MCM6: variants seen among roughly 807,000 people sequenced by gnomAD.
MCM6 encodes the protein minichromosome maintenance complex component 6.
MCM6 carries 46 observed loss-of-function variants against 94.3 expected under a neutral mutation model. The observed-to-expected ratio is 0.49, with a 90% confidence interval of 0.39 to 0.62. The LOEUF is 0.62. Among genes scored for constraint, MCM6 ranks in the 20% least tolerant of loss-of-function variants. The pLI is 0.00. For synonymous variants in MCM6, 335 were observed against 351.9 expected (o/e 0.95, Z 0.54); for missense variants, 865 against 1,017.9 (o/e 0.85, Z 2.04).
At position 135,846,120 on chromosome 2, in the gene MCM6, TAAC is replaced by T. The variant is rs1308225864; in HGVS notation, c.2209+114_2209+116del. 2.9e-5 allele frequency: 29 copies of T among 1,014,518 alleles called. No homozygotes were observed. In the Admixed American group the frequency reaches 4.7e-4, roughly 17 times the overall value. The allele number at this position is 1,014,518 out of a possible 1,614,324, so 62.8% of individuals were successfully genotyped here. A position where few individuals can be genotyped will look rare whatever the true frequency, so the allele number is the denominator to read the frequency against. On this transcript the variant is annotated intron_variant, in intron 15 of 16. Transcript: ENST00000264156. Reference sequence around the variant, plus strand: ...TTTACTTTGCTAAAGTGAGTTTATCTAACAACTTATCCTCTCTTCCGACAGAAC... The same window carrying T: ...TTTACTTTGCTAAAGTGAGTTTATCTAACTTATCCTCTCTTCCGACAGAAC...
chr2:135,867,935 G>A lies in MCM6; in HGVS notation c.615+676C>T, dbSNP rs942876144. Among the ~76,000 whole-genome samples, 162 of 152,208 alleles carry A rather than the reference G, an allele frequency of 1.1e-3. 1 individual carries two copies. Among genetic ancestry groups the A allele is most frequent in the African/African-American group, 3.7e-3 (154 of 41,520 alleles). On this transcript the variant is annotated intron_variant, in intron 4 of 16. Transcript: ENST00000264156. Reference sequence around the variant, plus strand: ...CCAGCTACTCGGGAGGCTGAGGCAGGAGAATGGCGTGAACCCAGGAGGCGG... The same window carrying A: ...CCAGCTACTCGGGAGGCTGAGGCAGAAGAATGGCGTGAACCCAGGAGGCGG...
chr2:135,876,314 C>T lies in MCM6; in HGVS notation c.52G>A (p.Val18Ile), dbSNP rs924925153. ...EPGAGSQHLE[V>I]RDEVAEKCQK... The stretch of plus-strand genomic sequence containing the variant: ...CACTTCTCGGCCACCTCGTCGCGGA[C>T]CTCCAGGTGCTGGCTGCCGGCGCCC... Residue 18 changes from valine (V) to isoleucine (I), a missense_variant, in exon 1 of 17, where the codon GTC becomes ATC. Transcript: ENST00000264156. 1.2e-6 allele frequency: 2 copies of T among 1,611,180 alleles called. No individual in the cohort carries two copies. Among genetic ancestry groups the T allele is most frequent in the Non-Finnish European group, 1.7e-6 (2 of 1,179,470 alleles).
At chr2:135,845,682 T>C (rs1346478950) in intron 15 of MCM6, among the ~76,000 whole-genome samples, 1 of 152,234 alleles carries the variant, frequency 6.6e-6, no homozygotes, top group Non-Finnish European at 1.5e-5. Context: ...AATTCATCAT[T>C]TTTCCTTCTG....
intron 7 of MCM6, among the ~76,000 whole-genome samples, chr2:135,864,731 A>G (rs1172109218): frequency 6.6e-6 from 1 of 152,218 alleles, no homozygotes; most frequent in Non-Finnish European, 1.5e-5. Context: ...CCCTTTCCAG[A>G]ACTTTGTCAT....
chr2:135,868,575 G>A, intron 4 of MCM6, 36 bp downstream of exon 4: 1 of 1,601,856 alleles, frequency 6.2e-7, no homozygotes, highest in Non-Finnish European at 8.6e-7. Context: ...TATTATCATA[G>A]ATGGACTCTG....
At chr2:135,855,088 G>A (rs1045211646) in intron 11 of MCM6, among the ~76,000 whole-genome samples, 4 of 152,058 alleles carry the variant, frequency 2.6e-5, no homozygotes, top group East Asian at 3.9e-4. Context: ...CCTAGGAGGC[G>A]GAGGTTGCAG....
intron 8 of MCM6, among the ~76,000 whole-genome samples, chr2:135,861,440 T>C (rs993594082): frequency 1.3e-5 from 2 of 152,148 alleles, no homozygotes; most frequent in Non-Finnish European, 2.9e-5. Context: ...ACTGAGAACA[T>C]GGCAGGTGCT....
At chr2:135,875,852 C>T (rs544603543) in intron 1 of MCM6, among the ~76,000 whole-genome samples, 1 of 152,348 alleles carries the variant, frequency 6.6e-6, no homozygotes, top group East Asian at 1.9e-4. Flanking sequence ...CGTGGCCCAG[C>T]AGGGCACCGA....
chr2:135,864,895 T>C, intron 7 of MCM6, 118 bp downstream of exon 7: 1 of 701,232 alleles, frequency 1.4e-6, no homozygotes, highest in Non-Finnish European at 2.1e-6. Context: ...AAATGACCTC[T>C]TTCAGACCCA....
At chr2:135,861,807 G>A (rs971320257) in intron 8 of MCM6, among the ~76,000 whole-genome samples, 8 of 152,036 alleles carry the variant, frequency 5.3e-5, no homozygotes, top group African/African-American at 1.2e-4. Flanking sequence ...TAGTAGAGAC[G>A]GGGTTTCACC....
rs1225025967 is a variant in MCM6, at chr2:135,866,321, G to A, written c.782-44C>T. 2.5e-6 allele frequency: 4 copies of A among 1,602,680 alleles called. No individual in the cohort carries two copies. The Admixed American group carries it at 6.9e-5, about 28-fold the overall frequency. On this transcript the variant is annotated intron_variant, in intron 5 of 16. Coordinates refer to ENST00000264156, the MANE Select transcript of MCM6 (RefSeq NM_005915.6). ...TTGTTTCACAACTTAAATATTAAAG[G>A]TGCTGAACATCAAAATTGCTCAAAT...
At position 135,866,610 on chromosome 2, in the gene MCM6, G is replaced by A. The variant is rs532934292; in HGVS notation, c.734C>T (p.Thr245Ile). The change falls in exon 5 of 17, where the codon ACA becomes ATA. Residue 245 changes from threonine (T) to isoleucine (I), a missense_variant. This residue lies in a region of MCM6 where 404 missense variants were observed against 451.9 expected (regional missense o/e 0.89). Coordinates refer to ENST00000264156, the MANE Select transcript of MCM6 (RefSeq NM_005915.6). ...GTCAGGCACAACAATCAGTGTCCCT[G>A]TAAAGTCACACTTGTCACCAGCTTG... ...SAQAGDKCDFTGTLIVVPDVS... is the reference protein window; with the variant it reads ...SAQAGDKCDFIGTLIVVPDVS... 3.1e-6 allele frequency: 5 copies of A among 1,614,116 alleles called. No homozygotes were observed. The Admixed American group carries it at 6.7e-5, about 22-fold the overall frequency.
chr2:135,866,092 A>G lies in MCM6; in HGVS notation c.927+40T>C, dbSNP rs1177091709. On this transcript the variant is annotated intron_variant, in intron 6 of 16. Coordinates refer to ENST00000264156, the MANE Select transcript of MCM6 (RefSeq NM_005915.6). ...ACTCCAGCCTGGGTGACAGAGAGAG[A>G]CTGTTTCAAAAACAAACAAAAACCC... The G allele has an allele frequency of 9.9e-6, 16 of 1,609,902 alleles. No individual in the cohort carries two copies. In the Admixed American group the frequency reaches 2.0e-4, roughly 20 times the overall value.
At chr2:135,860,930 A>G (rs1679979611) in intron 8 of MCM6, among the ~76,000 whole-genome samples, 1 of 152,210 alleles carries the variant, frequency 6.6e-6, no homozygotes, top group Non-Finnish European at 1.5e-5. Flanking sequence ...TCCGACTATC[A>G]TTATATACAG....
intron 8 of MCM6, among the ~76,000 whole-genome samples, chr2:135,862,312 GTATAAAATTTTATACAAAT>G (rs1680011109): frequency 1.1e-5 from 1 of 92,070 alleles, no homozygotes; most frequent in Non-Finnish European, 2.1e-5. Context: ...AATAAAATTT[GTATAAAATTTTATACAAAT>G]AATAAAATTT....
Position 135,857,980 on chromosome 2 carries a change from C to G in MCM6, c.1387G>C (p.Asp463His). ...ACTTGATCCCGCACGTCCATCTTAT[C>G]AAATTCATCAATACAACACACACCC... ...DNGVCCIDEF[D>H]KMDVRDQVAI... Residue 463 changes from aspartate (D) to histidine (H), a missense_variant, in exon 10 of 17, where the codon GAT becomes CAT. Asp to His is a moderately conservative substitution (Grantham distance 81). Coordinates refer to ENST00000264156, the MANE Select transcript of MCM6 (RefSeq NM_005915.6). 1 of 1,613,732 alleles carries G rather than the reference C, an allele frequency of 6.2e-7. No homozygotes were observed. Among genetic ancestry groups the G allele is most frequent in the Non-Finnish European group, 8.5e-7 (1 of 1,180,024 alleles).
chr2:135,872,451 A>AC (rs1680218656), intron 2 of MCM6, among the ~76,000 whole-genome samples: 1 of 147,058 alleles, frequency 6.8e-6, no homozygotes, highest in Non-Finnish European at 1.5e-5. Context: ...CTCCGTCTCA[A>AC]AAAACAAACA....
At position 135,848,138 on chromosome 2, in the gene MCM6, G is replaced by T. The variant is rs773560866; in HGVS notation, c.1968C>A (p.Ile656=). The T allele has an allele frequency of 6.2e-6, 10 of 1,611,166 alleles. No homozygotes were observed. In the East Asian group the frequency reaches 2.0e-4, roughly 32 times the overall value. ...TGACATCAGGTGTTTCCACACGGAT[G>T]ATTGATTTATTCAGTAACCGGAAAG... ...KEAFRLLNKS[I]IRVETPDVNL... The change falls in exon 14 of 17, where the codon ATC becomes ATA. Residue 656 remains isoleucine (I), a synonymous_variant. Coordinates refer to ENST00000264156, the MANE Select transcript of MCM6 (RefSeq NM_005915.6).
rs1558760709 is a variant in MCM6, at chr2:135,862,588, G to GT, written c.1220+18dup. On this transcript the variant is annotated intron_variant, in intron 8 of 16. Coordinates refer to ENST00000264156, the MANE Select transcript of MCM6 (RefSeq NM_005915.6). ...TATGTACACTTTTTCCTGCAACACT[G>GT]TATCAGGCAAACGCTTACTTGAGAA... The GT allele has an allele frequency of 1.9e-6, 3 of 1,613,772 alleles. No homozygotes were observed. Among genetic ancestry groups the GT allele is most frequent in the East Asian group, 2.2e-5 (1 of 44,884 alleles).
Sources: gnomAD v4.1 joint callset for allele counts (sites outside exome capture counted in the v4.1 genomes callset) on GRCh38, gnomAD v4.1.1 for gene constraint, gnomAD v4.1.1 regional missense constraint, MANE v1.5 for transcripts, NCBI Gene and HGNC (gene_info 2026-07-23, HGNC 2026-07-21) for gene names.